The following GAS2 variants were observed in gnomAD, a reference collection of about 807,000 sequenced individuals.
GAS2 encodes growth arrest specific 2.
In GAS2, 20 loss-of-function variants were observed where a neutral mutation model predicts 37.5. The ratio of observed to expected loss-of-function variants is 0.53; its 90% CI spans 0.37 to 0.77. The LOEUF (loss-of-function observed/expected upper bound fraction) is 0.77. GAS2 is among the 30% of genes least tolerant of loss of function. The pLI is 0.00. For missense variants in GAS2, 336 were observed against 373.4 expected (o/e 0.90, Z 0.82); for synonymous variants, 144 against 132.2 (o/e 1.09, Z -0.61).
chr11:22,673,127 T>A (rs1849272385), intron 1 of GAS2, among the ~76,000 whole-genome samples: 1 of 152,176 alleles, frequency 6.6e-6, no homozygotes, highest in Non-Finnish European at 1.5e-5. Flanking sequence ...ATACTATATT[T>A]ATGATACCTT....
intron 7 of GAS2, among the ~76,000 whole-genome samples, chr11:22,794,331 C>T (rs1025179326): frequency 1.3e-5 from 2 of 152,076 alleles, no homozygotes; most frequent in African/African-American, 2.4e-5. Flanking sequence ...CTCTTATTTT[C>T]CCTCCCTAGT....
intron 1 of GAS2, among the ~76,000 whole-genome samples, chr11:22,674,118 G>A (rs1401744169): frequency 2.6e-5 from 4 of 152,114 alleles, no homozygotes; most frequent in African/African-American, 9.7e-5. Flanking sequence ...TACAGAAAGA[G>A]TAGTGGTCTT....
chr11:22,727,667 A>G (rs1852280035), intron 4 of GAS2, among the ~76,000 whole-genome samples: 1 of 152,046 alleles, frequency 6.6e-6, no homozygotes, highest in Non-Finnish European at 1.5e-5. Flanking sequence ...TGCTTTACAC[A>G]ATAGTGTGCT....
At chr11:22,629,576 C>T (rs1330682659) in intron 1 of GAS2, among the ~76,000 whole-genome samples, 1 of 152,124 alleles carries the variant, frequency 6.6e-6, no homozygotes, top group East Asian at 1.9e-4. Flanking sequence ...AGTATTTTTT[C>T]ATACATTTGT....
intron 7 of GAS2, among the ~76,000 whole-genome samples, chr11:22,802,374 G>T (rs1396113601): frequency 5.9e-5 from 9 of 151,726 alleles, no homozygotes; most frequent in African/African-American, 2.2e-4. Context: ...GAGTTAATGG[G>T]TGCAGCACAC....
chr11:22,732,234 T>A (rs1022256698), intron 4 of GAS2, among the ~76,000 whole-genome samples: 5 of 151,760 alleles, frequency 3.3e-5, no homozygotes, highest in African/African-American at 1.2e-4. Flanking sequence ...TTCTGAGTGA[T>A]AGTGGCTTAA....
intron 3 of GAS2, among the ~76,000 whole-genome samples, chr11:22,692,498 C>A (rs1260646099): frequency 6.6e-6 from 1 of 152,070 alleles, no homozygotes; most frequent in Non-Finnish European, 1.5e-5. Context: ...AAAGGCAGGA[C>A]AACTTGAGGC....
chr11:22,640,537 A>G (rs1858896490), intron 1 of GAS2, among the ~76,000 whole-genome samples: 1 of 152,136 alleles, frequency 6.6e-6, no homozygotes, highest in African/African-American at 2.4e-5. Context: ...GTCAATGGAG[A>G]TTCTCAAGCA....
At position 22,811,797 on chromosome 11, in the gene GAS2, G is replaced by C; in HGVS notation, c.724-1G>C. On this transcript the variant is annotated splice_acceptor_variant, in intron 7 of 7. Coordinates refer to ENST00000454584, the MANE Select transcript of GAS2 (RefSeq NM_001143830.3). LOFTEE classifies it high-confidence loss of function. ...ACACTTTTGATATTTTTTCATTTCA[G>C]ATGCTGCACAACAAACATGTCATGG... The C allele has an allele frequency of 6.2e-7, 1 of 1,613,656 alleles. No homozygotes were observed. Among genetic ancestry groups the C allele is most frequent in the Non-Finnish European group, 8.5e-7 (1 of 1,179,756 alleles).
chr11:22,713,525 G>A (rs1005248494), intron 3 of GAS2, among the ~76,000 whole-genome samples: 2 of 151,976 alleles, frequency 1.3e-5, no homozygotes, highest in East Asian at 1.9e-4. Context: ...AACTAATCAC[G>A]AACACATCAT....
chr11:22,712,769 A>T (rs1590691060), intron 3 of GAS2, among the ~76,000 whole-genome samples: 1 of 152,280 alleles, frequency 6.6e-6, no homozygotes, highest in South Asian at 2.1e-4. Flanking sequence ...CCAGAGAAGG[A>T]TGAAAACTAA....
chr11:22,769,675 G>A (rs1303131390), intron 7 of GAS2, among the ~76,000 whole-genome samples: 1 of 152,230 alleles, frequency 6.6e-6, no homozygotes, highest in African/African-American at 2.4e-5. Flanking sequence ...CTTAGTCAGA[G>A]AATCTGAAAC....
Position 22,793,232 on chromosome 11 carries a change from C to G in GAS2, c.724-18566C>G, listed in dbSNP as rs181281501. Among the ~76,000 whole-genome samples the G allele has an allele frequency of 7.3e-3, 1,116 of 152,112 alleles. 19 individuals carry two copies. Among genetic ancestry groups the G allele is most frequent in the African/African-American group, 0.025 (1,054 of 41,492 alleles). On this transcript the variant is annotated intron_variant, in intron 7 of 7. Coordinates refer to ENST00000454584, the MANE Select transcript of GAS2 (RefSeq NM_001143830.3). ...GAGATTGCAGTGAACTGAGATCGTG[C>G]CACTGCACTCCAGCCTGGATGACAA...
intron 1 of GAS2, among the ~76,000 whole-genome samples, chr11:22,648,930 C>G (rs1349569724): frequency 6.6e-6 from 1 of 151,882 alleles, no homozygotes; most frequent in East Asian, 1.9e-4. Context: ...CCTAATTGCC[C>G]TGGCCAGAAC....
At chr11:22,632,926 T>C (rs1434663376) in intron 1 of GAS2, among the ~76,000 whole-genome samples, 1 of 152,060 alleles carries the variant, frequency 6.6e-6, no homozygotes, top group Non-Finnish European at 1.5e-5. Context: ...TTCTTTAAAA[T>C]ATCAATCTGT....
chr11:22,633,319 T>C (rs1015086981), intron 1 of GAS2, among the ~76,000 whole-genome samples: 1 of 152,210 alleles, frequency 6.6e-6, no homozygotes, highest in Non-Finnish European at 1.5e-5. Flanking sequence ...TTTTCAGTGA[T>C]GAAGAATCTG....
At chr11:22,797,259 C>CCATCATCAT (rs1273874627) in intron 7 of GAS2, among the ~76,000 whole-genome samples, 5 of 152,086 alleles carry the variant, frequency 3.3e-5, no homozygotes, top group African/African-American at 9.7e-5. Context: ...CATCATATGT[C>CCATCATCAT]ACTTGCTTGC....
chr11:22,777,105 G>A (rs116321473), intron 7 of GAS2, among the ~76,000 whole-genome samples: 2,649 of 152,222 alleles, frequency 0.017, 67 homozygotes, highest in African/African-American at 0.053. Context: ...AAGGAGAGGC[G>A]TACTTGTGAA....
upstream of GAS2, among the ~76,000 whole-genome samples, chr11:22,666,274 A>C (rs1848984106): frequency 6.6e-6 from 1 of 152,242 alleles, no homozygotes; most frequent in Non-Finnish European, 1.5e-5. Flanking sequence ...AGAGAATTGT[A>C]AGACATCAAA....
Sources: allele counts gnomAD v4.1 joint callset (sites outside exome capture counted in the v4.1 genomes callset), GRCh38; gene constraint gnomAD v4.1.1; transcripts MANE v1.5; gene names NCBI Gene and HGNC (gene_info 2026-07-23, HGNC 2026-07-21).